UCN3: variants seen among roughly 807,000 people sequenced by gnomAD.
The protein encoded by UCN3 is urocortin-3.
UCN3 carries 3 observed loss-of-function variants against 3.6 expected under a neutral mutation model. The ratio of observed to expected loss-of-function variants is 0.83; its 90% CI spans 0.38 to 2.15. The LOEUF is 2.15. Among genes scored for constraint, UCN3 ranks in the 30% most tolerant of loss-of-function variants. The pLI is 0.06. For synonymous variants in UCN3, 100 were observed against 93.2 expected, an observed-to-expected ratio of 1.07 and a Z score of -0.42; for missense variants, 206 against 208.3, an observed-to-expected ratio of 0.99 and a Z score of 0.07.
In UCN3 at chr10:5,369,941, G is replaced by A. The variant is rs199819139; in HGVS notation, c.-6-3774G>A. On this transcript the variant is annotated intron_variant, in intron 1 of 1. Coordinates refer to ENST00000380433, the MANE Select transcript of UCN3 (RefSeq NM_053049.4). ...TGTGTGTGTATGTGTGTGTGTGTAT[G>A]TGTGTGTATATGTGTGTGTATATGC... Among the ~76,000 whole-genome samples, 22 of 137,728 alleles carry A rather than the reference G, an allele frequency of 1.6e-4. 1 individual carries two copies. Among genetic ancestry groups the A allele is most frequent in the African/African-American group, 5.5e-4 (19 of 34,406 alleles). The allele number at this position is 137,728 out of a possible 152,430, so 90.4% of individuals were successfully genotyped here.
intron 1 of UCN3, among the ~76,000 whole-genome samples, chr10:5,371,208 G>A (rs1279493688): frequency 4.0e-5 from 6 of 150,908 alleles, no homozygotes; most frequent in Non-Finnish European, 8.8e-5. Context: ...GTGTGTATGT[G>A]TGCATATGTG....
rs1410474166 is a variant in UCN3, at chr10:5,370,450, T to C, written c.-6-3265T>C. Among the ~76,000 whole-genome samples the C allele has an allele frequency of 4.5e-4, 48 of 106,396 alleles. 4 individuals carry two copies. Among genetic ancestry groups the C allele is most frequent in the African/African-American group, 9.3e-4 (26 of 28,020 alleles). 69.8% of individuals were successfully genotyped at this position (106,396 alleles called of 152,430 possible). On this transcript the variant is annotated intron_variant, in intron 1 of 1. Transcript: ENST00000380433. ...GCGTGTGTATATGCGTGTGTATGTG[T>C]GTGTGTATATGTGTGTATATGCGTG...
intron 1 of UCN3, among the ~76,000 whole-genome samples, chr10:5,372,591 C>A (rs1438177136): frequency 6.6e-6 from 1 of 152,060 alleles, no homozygotes; most frequent in Non-Finnish European, 1.5e-5. Context: ...TGCTCTGTTG[C>A]CCAGGATGGA....
chr10:5,368,163 C>T (rs1834133876), intron 1 of UCN3, among the ~76,000 whole-genome samples: 1 of 152,094 alleles, frequency 6.6e-6, no homozygotes, highest in African/African-American at 2.4e-5. Context: ...GCCACCACGC[C>T]TGGCTAATTT....
chr10:5,371,344 G>A (rs782514128), intron 1 of UCN3, among the ~76,000 whole-genome samples: 1 of 151,868 alleles, frequency 6.6e-6, no homozygotes, highest in Non-Finnish European at 1.5e-5. Flanking sequence ...ATATGCACAT[G>A]TGTGCATGTA....
intron 1 of UCN3, among the ~76,000 whole-genome samples, chr10:5,371,833 C>G (rs1320408220): frequency 6.6e-6 from 1 of 152,238 alleles, no homozygotes; most frequent in Non-Finnish European, 1.5e-5. Flanking sequence ...GAAAAGGATT[C>G]TCCCAAGTTG....
intron 1 of UCN3, among the ~76,000 whole-genome samples, chr10:5,370,872 T>TGCGTGTGTGTGTGC (rs1385406789): frequency 1.2e-5 from 1 of 81,680 alleles, no homozygotes; most frequent in African/African-American, 5.1e-5. Context: ...CGTGTGTATG[T>TGCGTGTGTGTGTGC]GTGTGTATAT....
intron 1 of UCN3, among the ~76,000 whole-genome samples, chr10:5,370,843 G>A (rs1272200849): frequency 2.5e-5 from 2 of 78,970 alleles, no homozygotes; most frequent in Non-Finnish European, 5.0e-5. Flanking sequence ...GTGTGCGCGT[G>A]TGTGTGCGCG....
chr10:5,370,803 ATGTGTGTGTGCGTGTGTGTGCGCGCG>A (rs1831397925), intron 1 of UCN3, among the ~76,000 whole-genome samples: 1 of 102,698 alleles, frequency 9.7e-6, no homozygotes, highest in Non-Finnish European at 1.9e-5. Context: ...GCGTGTGTAT[ATGTGTGTGTGCGTGTGTGTGCGCGCG>A]TGTGTGTGCG....
At chr10:5,372,868 C>CT (rs1169199083) in intron 1 of UCN3, among the ~76,000 whole-genome samples, 1 of 151,828 alleles carries the variant, frequency 6.6e-6, no homozygotes, top group Non-Finnish European at 1.5e-5. Context: ...TTTTATTTTT[C>CT]TTTTTTTAAA....
chr10:5,373,741 C>CCTGCTGCTCCTG lies in UCN3; in HGVS notation c.34_45dup (p.Leu12_Leu15dup), dbSNP rs1554811754. On this transcript the variant is annotated inframe_insertion, in exon 2 of 2. Transcript: ENST00000380433. ...GAGAGATGCTGATGCCGGTCCACTT[C>CCTGCTGCTCCTG]CTGCTGCTCCTGCTGCTGCTCCTGG... is the stretch of plus-strand genomic sequence containing the variant. 6.2e-7 allele frequency: 1 copy of CCTGCTGCTCCTG among 1,613,772 alleles called. No individual in the cohort carries two copies.
chr10:5,370,453 G>A (rs1554811230), intron 1 of UCN3, among the ~76,000 whole-genome samples: 3 of 115,688 alleles, frequency 2.6e-5, no homozygotes, highest in African/African-American at 1.0e-4. Flanking sequence ...GTATGTGTGT[G>A]TGTATATGTG....
rs1447527062 is a variant in UCN3, at chr10:5,366,723, C to T, written c.-7+1493C>T. Among the ~76,000 whole-genome samples, 1 of 152,148 alleles carries T rather than the reference C, an allele frequency of 6.6e-6. No homozygotes were observed. The highest frequency in any genetic ancestry group is 1.5e-5 in the Non-Finnish European group (1 of 68,030). ...ATCTAAAACTAAGCTCAGCACCGGG[C>T]GTCCCTATCATGTCCAATTCACAGT... is the stretch of plus-strand genomic sequence containing the variant. On this transcript the variant is annotated intron_variant, in intron 1 of 1. Coordinates refer to ENST00000380433, the MANE Select transcript of UCN3 (RefSeq NM_053049.4). This position sits in a 1 kb window ranked among gnomAD's most constrained non-coding sequence, Gnocchi z 4.2.
intron 1 of UCN3, among the ~76,000 whole-genome samples, chr10:5,370,163 ATATGTG>A (rs1831342964): frequency 1.1e-4 from 3 of 27,788 alleles, no homozygotes; most frequent in African/African-American, 4.5e-4. Flanking sequence ...ATGTGTGTGT[ATATGTG>A]TGTGTATATG....
At position 5,370,197 on chromosome 10, in the gene UCN3, GTA is replaced by G. The variant is rs1314527449; in HGVS notation, c.-6-3514_-6-3513del. ...TGTATATGCGTGTGTATATGCGTGTGTATATGCGTGTGTATGTGTGTGTATGT... is the reference window on the plus strand; with the variant it reads ...TGTATATGCGTGTGTATATGCGTGTGTATGCGTGTGTATGTGTGTGTATGT... On this transcript the variant is annotated intron_variant, in intron 1 of 1. Transcript: ENST00000380433. Among the ~76,000 whole-genome samples the G allele has an allele frequency of 4.0e-3, 268 of 67,512 alleles. 59 individuals carry two copies. The highest frequency in any genetic ancestry group is 5.1e-3 in the African/African-American group (62 of 12,066). 44.3% of individuals were successfully genotyped at this position (67,512 alleles called of 152,430 possible). A position where few individuals can be genotyped will look rare whatever the true frequency, so the allele number is the denominator to read the frequency against.
chr10:5,373,787 C>G lies in UCN3; in HGVS notation c.67C>G (p.Pro23Ala). ...CCTGGGGGGCCCCAGGACAGGCCTC[C>G]CCCACAAGTTCTACAAAGCCAAGCC... is the stretch of plus-strand genomic sequence containing the variant. ...LLLGGPRTGLPHKFYKAKPIF... is the reference protein window; with the variant it reads ...LLLGGPRTGLAHKFYKAKPIF... The change falls in exon 2 of 2, where the codon CCC becomes GCC. Residue 23 changes from proline to alanine, a missense_variant. Transcript: ENST00000380433. The G allele has an allele frequency of 2.5e-6, 4 of 1,613,972 alleles. No homozygotes were observed. Among genetic ancestry groups the G allele is most frequent in the Non-Finnish European group, 3.4e-6 (4 of 1,179,942 alleles).
chr10:5,369,862 G>GTGTGTGTGTGT (rs1554811024), intron 1 of UCN3, among the ~76,000 whole-genome samples: 6 of 99,568 alleles, frequency 6.0e-5, no homozygotes, highest in African/African-American at 1.9e-4. Flanking sequence ...TATCCACGTG[G>GTGTGTGTGTGT]GTGTGTGTGT....
chr10:5,374,068 C>A lies in UCN3; in HGVS notation c.348C>A (p.His116Gln), dbSNP rs556266989. Residue 116 changes from histidine to glutamine, a missense_variant, in exon 2 of 2, where the codon CAC (histidine) becomes CAA (glutamine). Coordinates refer to ENST00000380433, the MANE Select transcript of UCN3 (RefSeq NM_053049.4). ...GCCAGGACACGGCCAAGAGTCCCCACCGCACCAAGTTCACCCTGTCCCTCG... is the reference window on the plus strand; with the variant it reads ...GCCAGGACACGGCCAAGAGTCCCCAACGCACCAAGTTCACCCTGTCCCTCG... Reference protein sequence around the residue: ...KPRQDTAKSPHRTKFTLSLDV... With the variant: ...KPRQDTAKSPQRTKFTLSLDV... The A allele has an allele frequency of 5.0e-6, 8 of 1,613,550 alleles. No individual in the cohort carries two copies. Among genetic ancestry groups the A allele is most frequent in the Middle Eastern group, 1.6e-4 (1 of 6,084 alleles).
In UCN3 at chr10:5,370,827, G is replaced by A. The variant is rs571624423; in HGVS notation, c.-6-2888G>A. Among the ~76,000 whole-genome samples the A allele has an allele frequency of 3.9e-4, 32 of 82,694 alleles. 1 individual carries two copies. Among genetic ancestry groups the A allele is most frequent in the Middle Eastern group, 7.6e-3 (1 of 132 alleles). The allele number at this position is 82,694 out of a possible 152,430, so 54.3% of individuals were successfully genotyped here. A position where few individuals can be genotyped will look rare whatever the true frequency, so the allele number is the denominator to read the frequency against. ...TATGTGTGTGTGCGTGTGTGTGCGCGCGTGTGTGTGCGCGTGTGTGTGCGC... is the reference window on the plus strand; with the variant it reads ...TATGTGTGTGTGCGTGTGTGTGCGCACGTGTGTGTGCGCGTGTGTGTGCGC... On this transcript the variant is annotated intron_variant, in intron 1 of 1. Transcript: ENST00000380433.
Sources: allele counts gnomAD v4.1 joint callset (sites outside exome capture counted in the v4.1 genomes callset), GRCh38; gene constraint gnomAD v4.1.1; non-coding constraint Gnocchi (gnomAD v3.1); transcripts MANE v1.5; gene names NCBI Gene and HGNC (gene_info 2026-07-23, HGNC 2026-07-21).